SH3BP2: variants seen among roughly 807,000 people sequenced by gnomAD.
SH3BP2 encodes SH3 domain binding protein 2, also known as SH3 domain-binding protein 2.
SH3BP2 carries 38 observed loss-of-function variants against 56.2 expected under a neutral mutation model. The ratio of observed to expected loss-of-function variants is 0.68; its 90% CI spans 0.52 to 0.89. The LOEUF (loss-of-function observed/expected upper bound fraction) is 0.89, where lower values mean the gene tolerates loss of function less well. Among genes scored for constraint, SH3BP2 ranks in the 40% least tolerant of loss-of-function variants. SH3BP2 has a pLI of 0.00. For missense variants in SH3BP2, 748 were observed against 762.6 expected (o/e 0.98, Z 0.23); for synonymous variants, 346 against 316.7 (o/e 1.09, Z -0.98).
At chr4:2,814,498 G>GCACACA (rs34086288) in intron 1 of SH3BP2, among the ~76,000 whole-genome samples, 1 of 151,360 alleles carries the variant, frequency 6.6e-6, no homozygotes, top group Non-Finnish European at 1.5e-5. Context: ...ATGTGCATGT[G>GCACACA]CACACACACA....
intron 1 of SH3BP2, among the ~76,000 whole-genome samples, chr4:2,800,549 G>GA (rs771218907): frequency 6.7e-6 from 1 of 148,392 alleles, no homozygotes; most frequent in Non-Finnish European, 1.5e-5. Flanking sequence ...TCCTGTGACC[G>GA]CCCCCCCCCC....
intron 1 of SH3BP2, among the ~76,000 whole-genome samples, chr4:2,798,202 G>T (rs13103393): frequency 0.21 from 31,428 of 152,048 alleles, 3,488 homozygotes; most frequent in African/African-American, 0.26. Context: ...GCCGCCGAGC[G>T]GAGTCGGTGT....
rs1724830028 is a variant in SH3BP2, at chr4:2,829,005, C to G, written c.587-488C>G. ...CAGGCTGCCCGCTCCGAGTCATGTC[C>G]AGCCTGGATTTTTGAACTCTGCACA... On this transcript the variant is annotated intron_variant, in intron 7 of 12. Coordinates refer to ENST00000503393, the MANE Select transcript of SH3BP2 (RefSeq NM_001122681.2). The surrounding 1 kb of genome is among the most constrained non-coding windows in gnomAD (Gnocchi z 4.9). 6.6e-6 allele frequency among the ~76,000 whole-genome samples: 1 copy of G among 152,180 alleles called. No individual in the cohort carries two copies. The highest frequency in any genetic ancestry group is 2.4e-5 in the African/African-American group (1 of 41,440).
chr4:2,839,252 G>T lies in SH3BP2; in HGVS notation c.*5418G>T, dbSNP rs1725338145. 1 of 150,810 alleles carries T rather than the reference G, an allele frequency of 6.6e-6. No individual in the cohort carries two copies. Among genetic ancestry groups the T allele is most frequent in the African/African-American group, 2.4e-5 (1 of 40,942 alleles). The allele number at this position is 150,810 out of a possible 1,614,324, so 9.3% of individuals were successfully genotyped here. The stretch of plus-strand genomic sequence containing the variant: ...AGTGGTGCAATCTCAGCTCACTGCA[G>T]CCTTGAGTCAGGCTCAGGTGATTCT... On this transcript the variant is annotated 3_prime_UTR_variant, in exon 13 of 13. Coordinates refer to ENST00000503393, the MANE Select transcript of SH3BP2 (RefSeq NM_001122681.2).
At position 2,829,751 on chromosome 4, in the gene SH3BP2, T is replaced by A. The variant is rs766045804; in HGVS notation, c.845T>A (p.Leu282Gln). The A allele has an allele frequency of 7.4e-6, 12 of 1,612,932 alleles. No homozygotes were observed. Among genetic ancestry groups the A allele is most frequent in the Non-Finnish European group, 1.0e-5 (12 of 1,179,902 alleles). The stretch of plus-strand genomic sequence containing the variant: ...CCCCGAAGGATGAGCGATCCCCCTC[T>A]GAGCACCATGCCCACCGCACCCGGC... ...ATPRRMSDPP[L>Q]STMPTAPGLR... Residue 282 changes from leucine (L) to glutamine (Q), a missense_variant, in exon 8 of 13, where the codon CTG becomes CAG. This residue lies in a region of SH3BP2 where 635 missense variants were observed against 615.0 expected (regional missense o/e 1.03). Transcript: ENST00000503393. This position sits in a 1 kb window ranked among gnomAD's most constrained non-coding sequence, Gnocchi z 4.9.
chr4:2,825,458 AGAG>A (rs1724556141), intron 5 of SH3BP2, among the ~76,000 whole-genome samples: 1 of 144,358 alleles, frequency 6.9e-6, no homozygotes, highest in Non-Finnish European at 1.6e-5. Flanking sequence ...GCACACACAC[AGAG>A]CAACACGTGG....
intron 1 of SH3BP2, chr4:2,809,741 C>T: frequency 1.0e-6 from 1 of 978,854 alleles, no homozygotes; most frequent in Non-Finnish European, 1.2e-6. Flanking sequence ...TGAAGGCTCC[C>T]AGAACCCAGT....
intron 1 of SH3BP2, among the ~76,000 whole-genome samples, chr4:2,814,097 G>C (rs1039935610): frequency 6.6e-6 from 1 of 152,222 alleles, no homozygotes; most frequent in African/African-American, 2.4e-5. Context: ...CAGCCTCCCA[G>C]AGCCCCCACC....
intron 1 of SH3BP2, among the ~76,000 whole-genome samples, chr4:2,807,953 G>C (rs887266020): frequency 2.6e-5 from 4 of 152,194 alleles, no homozygotes; most frequent in African/African-American, 7.2e-5. Flanking sequence ...TGTGGAGCCT[G>C]TCTCTCCCTG....
chr4:2,825,712 C>CA (rs1359947680), intron 5 of SH3BP2, among the ~76,000 whole-genome samples: 1 of 152,240 alleles, frequency 6.6e-6, no homozygotes, highest in Non-Finnish European at 1.5e-5. Context: ...GTTAGGGGAT[C>CA]ATGTGTGTTT....
chr4:2,818,808 G>T (rs1724142895), intron 1 of SH3BP2: 1 of 986,914 alleles, frequency 1.0e-6, no homozygotes, highest in Admixed American at 6.1e-5. Context: ...AGGAGCTGGT[G>T]GGGTCCAGCC....
chr4:2,827,143 G>A (rs760792484), intron 5 of SH3BP2, 87 bp from the exon 6 acceptor site: 10 of 982,134 alleles, frequency 1.0e-5, no homozygotes, highest in South Asian at 3.9e-5. Context: ...ATGTATCCGC[G>A]TGTGCCTGTG....
rs1020962859 is a variant in SH3BP2 at position 2,812,839 on chromosome 4, G to A, written c.-4-7775G>A. Among the ~76,000 whole-genome samples the A allele has an allele frequency of 3.9e-5, 5 of 128,590 alleles. No individual in the cohort carries two copies. In the Admixed American group the frequency reaches 3.9e-4, roughly 10 times the overall value. 84.4% of individuals were successfully genotyped at this position (128,590 alleles called of 152,430 possible). On this transcript the variant is annotated intron_variant, in intron 1 of 12. Transcript: ENST00000503393. ...AGCCTGCAGGGTGGCCTTGGTGTTTGGGTCCTAAGTACACACGTTGTGTAT... is the reference window on the plus strand; with the variant it reads ...AGCCTGCAGGGTGGCCTTGGTGTTTAGGTCCTAAGTACACACGTTGTGTAT...
chr4:2,818,271 G>A, intron 1 of SH3BP2: 1 of 1,017,224 alleles, frequency 9.8e-7, no homozygotes, highest in Non-Finnish European at 1.2e-6. Flanking sequence ...GGCGGGAGGC[G>A]GGCGCCCGGG....
At chr4:2,823,242 G>A (rs1167630553) in intron 3 of SH3BP2, among the ~76,000 whole-genome samples, 2 of 152,192 alleles carry the variant, frequency 1.3e-5, no homozygotes, top group African/African-American at 4.8e-5. Context: ...GCAGGACCTT[G>A]GGGGTGCCAG....
At chr4:2,818,450 G>T (rs1236551128) in intron 1 of SH3BP2, 4 of 958,696 alleles carry the variant, frequency 4.2e-6, no homozygotes, top group South Asian at 5.1e-5. Flanking sequence ...TCCGGCTCTG[G>T]ACCCCGCACC....
chr4:2,805,371 GC>G (rs902336463), intron 1 of SH3BP2, among the ~76,000 whole-genome samples: 20 of 152,274 alleles, frequency 1.3e-4, no homozygotes, highest in African/African-American at 4.6e-4. Context: ...CCCCTGGAGT[GC>G]CCCCCTCCTG....
rs1724495686 is a variant in SH3BP2 at position 2,824,665 on chromosome 4, A to G, written c.292A>G (p.Ile98Val). 3 of 1,613,820 alleles carry G rather than the reference A, an allele frequency of 1.9e-6. No homozygotes were observed. The highest frequency in any genetic ancestry group is 2.2e-5 in the East Asian group (1 of 44,870). Reference protein sequence around the residue: ...TTSNNVFPFKIIHISKKHRTW... With the variant: ...TTSNNVFPFKVIHISKKHRTW... ...GTCCAACAACGTTTTCCCCTTCAAGATCATCCATATCAGCAAGAAGCACCG... is the reference window on the plus strand; with the variant it reads ...GTCCAACAACGTTTTCCCCTTCAAGGTCATCCATATCAGCAAGAAGCACCG... The change falls in exon 4 of 13, where the codon ATC (isoleucine) becomes GTC (valine). Residue 98 changes from isoleucine (I) to valine (V), a missense_variant. Around this residue, in one of 3 missense-constraint regions of SH3BP2, gnomAD observed 9 missense variants for 24.4 expected, o/e 0.37. Coordinates refer to ENST00000503393, the MANE Select transcript of SH3BP2 (RefSeq NM_001122681.2).
In SH3BP2 at chr4:2,806,593, TGTCTCCAGCCCCACCTCACC is replaced by T. The variant is rs1276918823; in HGVS notation, c.-5+13476_-5+13495del. Among the ~76,000 whole-genome samples, 136 of 151,226 alleles carry T rather than the reference TGTCTCCAGCCCCACCTCACC, an allele frequency of 9.0e-4. 1 individual carries two copies. The highest frequency in any genetic ancestry group is 4.8e-3 in the Admixed American group (73 of 15,230). ...CCCACCTCGCCTTGCCTCACTTCAC[TGTCTCCAGCCCCACCTCACC>T]GTCTCCAGCCCCACCTCACCCTCAC... is the stretch of plus-strand genomic sequence containing the variant. On this transcript the variant is annotated intron_variant, in intron 1 of 12. Transcript: ENST00000503393.
Sources: allele counts gnomAD v4.1 joint callset (sites outside exome capture counted in the v4.1 genomes callset), GRCh38; gene constraint gnomAD v4.1.1; regional missense constraint gnomAD v4.1.1; non-coding constraint Gnocchi (gnomAD v3.1); transcripts MANE v1.5; gene names NCBI Gene and HGNC (gene_info 2026-07-23, HGNC 2026-07-21).